The following CORO1B variants were observed in gnomAD, a reference collection of about 807,000 sequenced individuals.
CORO1B encodes coronin-1B.
A neutral mutation model predicts 51.1 loss-of-function variants in CORO1B; 30 were observed. The observed-to-expected ratio is 0.59, with a 90% CI of 0.44 to 0.80. The LOEUF (loss-of-function observed/expected upper bound fraction) is 0.80, where lower values mean the gene tolerates loss of function less well. Ranked by LOEUF, CORO1B falls within the 30% of genes least tolerant of loss-of-function variation. The pLI, the probability that CORO1B is intolerant of heterozygous loss-of-function variation, is 0.00. For missense variants in CORO1B, 648 were observed against 700.4 expected, an observed-to-expected ratio of 0.93 and a Z score of 0.84; for synonymous variants, 310 against 289.7, an observed-to-expected ratio of 1.07 and a Z score of -0.71.
rs780102573 is a variant in CORO1B at position 67,441,552 on chromosome 11, G to A, written c.455-38C>T. The A allele has an allele frequency of 3.1e-6, 5 of 1,595,148 alleles. No individual in the cohort carries two copies. In the South Asian group the frequency reaches 4.5e-5, roughly 14 times the overall value. On this transcript the variant is annotated intron_variant, in intron 4 of 10. Transcript: ENST00000341356. ...GGTTGTCAGCTCGGGCCGGGTGGGT[G>A]GCAGGAGGCCATTAGCTCACCAGGC... is the stretch of plus-strand genomic sequence containing the variant.
intron 6 of CORO1B, chr11:67,440,824 G>A: frequency 1.5e-6 from 1 of 658,654 alleles, no homozygotes; most frequent in East Asian, 3.0e-5. Flanking sequence ...GCTTTCTGGA[G>A]GAGCGGGGAG....
intron 9 of CORO1B, among the ~76,000 whole-genome samples, chr11:67,439,322 C>T (rs1332257910): frequency 2.6e-5 from 4 of 152,242 alleles, no homozygotes; most frequent in East Asian, 1.9e-4. Flanking sequence ...ATCATGGAAG[C>T]GTGTCCGAGG....
chr11:67,442,151 A>T, intron 2 of CORO1B, 63 bp from the exon 3 acceptor site: 4 of 1,585,848 alleles, frequency 2.5e-6, no homozygotes, highest in Non-Finnish European at 3.4e-6. Flanking sequence ...CTTCCCCTCC[A>T]TGGAGTGGGA....
In CORO1B at chr11:67,437,565, C is replaced by A. The variant is rs948957916; in HGVS notation, c.*811G>T. 2.2e-6 allele frequency: 3 copies of A among 1,338,352 alleles called. No homozygotes were observed. Among genetic ancestry groups the A allele is most frequent in the Non-Finnish European group, 2.9e-6 (3 of 1,034,996 alleles). 82.9% of individuals were successfully genotyped at this position (1,338,352 alleles called of 1,614,324 possible). The stretch of plus-strand genomic sequence containing the variant: ...GCTCCACAGGCCCAGACATTCTAGC[C>A]CCGACCGCCTGTGGCCCCCATCCCA... On this transcript the variant is annotated 3_prime_UTR_variant, in exon 11 of 11. Coordinates refer to ENST00000341356, the MANE Select transcript of CORO1B (RefSeq NM_020441.3).
rs2286625 is a variant in CORO1B, at chr11:67,441,699, G to C, written c.454+34C>G. On this transcript the variant is annotated intron_variant, in intron 4 of 10. Coordinates refer to ENST00000341356, the MANE Select transcript of CORO1B (RefSeq NM_020441.3). ...CTGGGATGTATGGAGGGGTCCGTGG[G>C]GGGGGGGAGCACAAAACGGGGGGCG... is the stretch of plus-strand genomic sequence containing the variant. The C allele has an allele frequency of 2.3e-3, 3,494 of 1,498,272 alleles. 38 individuals carry two copies. Among genetic ancestry groups the C allele is most frequent in the South Asian group, 0.017 (1,550 of 88,592 alleles). The allele number at this position is 1,498,272 out of a possible 1,614,324, so 92.8% of individuals were successfully genotyped here.
chr11:67,442,046 T>C lies in CORO1B; in HGVS notation c.244A>G (p.Thr82Ala). Reference protein sequence around the residue: ...DKAYPTVCGHTGPVLDIDWCP... With the variant: ...DKAYPTVCGHAGPVLDIDWCP... Reference sequence around the variant, plus strand: ...CAGTCGATGTCCAGGACAGGTCCCGTGTGCCCACACACCGTCGGGTAGGCC... The same window carrying C: ...CAGTCGATGTCCAGGACAGGTCCCGCGTGCCCACACACCGTCGGGTAGGCC... Residue 82 changes from threonine (T) to alanine (A), a missense_variant, in exon 3 of 11, where the codon ACG (threonine) becomes GCG (alanine). Transcript: ENST00000341356. 6.2e-7 allele frequency: 1 copy of C among 1,613,158 alleles called. No homozygotes were observed. The highest frequency in any genetic ancestry group is 8.5e-7 in the Non-Finnish European group (1 of 1,179,994).
chr11:67,443,781 GCTC>G, upstream of CORO1B: 1 of 985,290 alleles, frequency 1.0e-6, no homozygotes, highest in South Asian at 4.7e-5. Context: ...TCGCGTTCTT[GCTC>G]CTCATAATGG....
Position 67,437,557 on chromosome 11 carries a change from A to G in CORO1B, c.*819T>C, listed in dbSNP as rs1864311838. The G allele has an allele frequency of 1.5e-6, 2 of 1,331,196 alleles. No individual in the cohort carries two copies. Among genetic ancestry groups the G allele is most frequent in the Admixed American group, 3.0e-5 (1 of 32,866 alleles). The allele number at this position is 1,331,196 out of a possible 1,614,324, so 82.5% of individuals were successfully genotyped here. A position where few individuals can be genotyped will look rare whatever the true frequency, so the allele number is the denominator to read the frequency against. On this transcript the variant is annotated 3_prime_UTR_variant, in exon 11 of 11. Coordinates refer to ENST00000341356, the MANE Select transcript of CORO1B (RefSeq NM_020441.3). Reference sequence around the variant, plus strand: ...CCTCCTTAGCTCCACAGGCCCAGACATTCTAGCCCCGACCGCCTGTGGCCC... The same window carrying G: ...CCTCCTTAGCTCCACAGGCCCAGACGTTCTAGCCCCGACCGCCTGTGGCCC...
intron 6 of CORO1B, 157 bp downstream of exon 6, chr11:67,440,968 G>T (rs1456425485): frequency 1.9e-6 from 2 of 1,040,380 alleles, no homozygotes; most frequent in Middle Eastern, 2.1e-4. Context: ...GCGAGCAGGG[G>T]GCAGGAGAGG....
intron 5 of CORO1B, 44 bp downstream of exon 5, chr11:67,441,289 C>T: frequency 6.2e-7 from 1 of 1,612,858 alleles, no homozygotes; most frequent in Admixed American, 1.7e-5. Flanking sequence ...TGCTCAAGGT[C>T]CTGGGCCTAT....
Position 67,441,263 on chromosome 11 carries a change from G to A in CORO1B, c.637-19C>T, listed in dbSNP as rs764452516. 3.1e-6 allele frequency: 5 copies of A among 1,612,776 alleles called. No individual in the cohort carries two copies. The highest frequency in any genetic ancestry group is 2.2e-5 in the East Asian group (1 of 44,864). On this transcript the variant is annotated intron_variant, in intron 5 of 10. Coordinates refer to ENST00000341356, the MANE Select transcript of CORO1B (RefSeq NM_020441.3). ...CCCGCTCCTGTCGGGGGGACAGGCT[G>A]GTCAGTGCAGCGCCCTGCTCAAGGT...
rs1864403472 is a variant in CORO1B at position 67,441,952 on chromosome 11, G to A, written c.324+14C>T. The A allele has an allele frequency of 3.1e-6, 5 of 1,610,572 alleles. No homozygotes were observed. The highest frequency in any genetic ancestry group is 4.2e-6 in the Non-Finnish European group (5 of 1,179,976). On this transcript the variant is annotated intron_variant, in intron 3 of 10. Coordinates refer to ENST00000341356, the MANE Select transcript of CORO1B (RefSeq NM_020441.3). ...CACACCCACGACCCTGGCCCAGCCA[G>A]TCCTGTGCCTCACCATGACCGTGCA...
chr11:67,443,009 T>A (rs999017557), intron 1 of CORO1B, among the ~76,000 whole-genome samples: 1 of 151,978 alleles, frequency 6.6e-6, no homozygotes, highest in Non-Finnish European at 1.5e-5. Context: ...TCCCAGAGAT[T>A]TGGAGGCTAG....
intron 9 of CORO1B, 61 bp from the exon 10 acceptor site, chr11:67,439,010 C>T (rs1302532343): frequency 1.1e-5 from 16 of 1,499,346 alleles, no homozygotes; most frequent in African/African-American, 1.4e-5. Flanking sequence ...TCCCCTCATC[C>T]CTCCCCTGGC....
At chr11:67,442,119 C>T in intron 2 of CORO1B, 31 bp from the exon 3 acceptor site, 3 of 1,600,712 alleles carry the variant, frequency 1.9e-6, no homozygotes, top group Non-Finnish European at 2.6e-6. Flanking sequence ...TCAGTGGGCT[C>T]CATCCCTCCC....
Position 67,441,247 on chromosome 11 carries a change from G to A in CORO1B, c.637-3C>T. 6.2e-7 allele frequency: 1 copy of A among 1,613,076 alleles called. No individual in the cohort carries two copies. The highest frequency in any genetic ancestry group is 8.5e-7 in the Non-Finnish European group (1 of 1,179,958). ...CCCTCATGAGCCTTCTCCCGCTCCTGTCGGGGGGACAGGCTGGTCAGTGCA... is the reference window on the plus strand; with the variant it reads ...CCCTCATGAGCCTTCTCCCGCTCCTATCGGGGGGACAGGCTGGTCAGTGCA... On this transcript the variant is annotated splice_polypyrimidine_tract_variant and splice_region_variant and intron_variant, in intron 5 of 10. Coordinates refer to ENST00000341356, the MANE Select transcript of CORO1B (RefSeq NM_020441.3).
In CORO1B at chr11:67,439,856, G is replaced by A. The variant is rs760428587; in HGVS notation, c.1008-13C>T. 9.6e-6 allele frequency: 15 copies of A among 1,568,024 alleles called. No individual in the cohort carries two copies. The African/African-American group carries it at 1.8e-4, about 18-fold the overall frequency. ...CAGTTTGTAGAACCTGGGGATGCAA[G>A]GAGGAGCCACGGGTGGAACCCTCAC... On this transcript the variant is annotated splice_polypyrimidine_tract_variant and intron_variant, in intron 8 of 10. Coordinates refer to ENST00000341356, the MANE Select transcript of CORO1B (RefSeq NM_020441.3).
In CORO1B at chr11:67,441,796, G is replaced by A. The variant is rs1864400767; in HGVS notation, c.391C>T (p.His131Tyr). 1 of 1,613,016 alleles carries A rather than the reference G, an allele frequency of 6.2e-7. No homozygotes were observed. The highest frequency in any genetic ancestry group is 8.5e-7 in the Non-Finnish European group (1 of 1,179,928). The change falls in exon 4 of 11, where the codon CAC (histidine) becomes TAC (tyrosine). Residue 131 changes from histidine to tyrosine, a missense_variant. His to Tyr is a moderately conservative substitution (Grantham distance 83). Coordinates refer to ENST00000341356, the MANE Select transcript of CORO1B (RefSeq NM_020441.3). The stretch of plus-strand genomic sequence containing the variant: ...GCGATGATGCCCACTCGCTTGGTGT[G>A]CCCCTCCAGTACCACCACCGGCTCT... ...LTEPVVVLEG[H>Y]TKRVGIIAWH...
In CORO1B at chr11:67,440,346, CGTAG is replaced by C; in HGVS notation, c.846_849del (p.Tyr283SerfsTer24). The C allele has an allele frequency of 6.2e-7, 1 of 1,613,790 alleles. No homozygotes were observed. The highest frequency in any genetic ancestry group is 2.2e-5 in the East Asian group (1 of 44,876). On this transcript the variant is annotated frameshift_variant, in exon 7 of 11. Transcript: ENST00000341356. LOFTEE classifies it high-confidence loss of function. ...CTGCCCAGCCCCACCTTGCCGCAGA[CGTAG>C]ACCACACTGGTGTCGGGGTCGTAGA...
Sources: gnomAD v4.1 joint callset for allele counts (sites outside exome capture counted in the v4.1 genomes callset) on GRCh38, gnomAD v4.1.1 for gene constraint, MANE v1.5 for transcripts, NCBI Gene and HGNC (gene_info 2026-07-23, HGNC 2026-07-21) for gene names.